Variants in COA5 observed in about 807,000 individuals in gnomAD.
COA5 encodes cytochrome c oxidase assembly factor 5, also known as protein C2orf64.
A neutral mutation model predicts 11.8 loss-of-function variants in COA5; 11 were observed. The ratio of observed to expected loss-of-function variants is 0.93; its 90% CI spans 0.59 to 1.54. COA5 has a LOEUF of 1.54. Among genes scored for constraint, COA5 ranks in the 40% most tolerant of loss-of-function variants. COA5 has a pLI of 0.00. For synonymous variants in COA5, 38 were observed against 37.5 expected, an observed-to-expected ratio of 1.01 and a Z score of -0.05; for missense variants, 87 against 89.2, an observed-to-expected ratio of 0.97 and a Z score of 0.10.
At position 98,600,030 on chromosome 2, in the gene COA5, A is replaced by G. The variant is rs1700619282; in HGVS notation, c.*722T>C. On this transcript the variant is annotated 3_prime_UTR_variant, in exon 3 of 3. Coordinates refer to ENST00000328709, the MANE Select transcript of COA5 (RefSeq NM_001008215.3). ...TATAGATTTGATTTGTGGACCCTGA[A>G]AAAGGAAGTTCTCTCTCTCCCTTTT... The G allele has an allele frequency of 6.6e-6, 1 of 152,358 alleles. No homozygotes were observed. The highest frequency in any genetic ancestry group is 1.5e-5 in the Non-Finnish European group (1 of 68,152). 9.4% of individuals were successfully genotyped at this position (152,358 alleles called of 1,614,324 possible). A position where few individuals can be genotyped will look rare whatever the true frequency, so the allele number is the denominator to read the frequency against.
intron 2 of COA5, among the ~76,000 whole-genome samples, chr2:98,602,154 T>C (rs755362733): frequency 6.6e-6 from 1 of 152,186 alleles, no homozygotes; most frequent in Non-Finnish European, 1.5e-5. Flanking sequence ...GCTCATACTA[T>C]GAGAGAACAG....
chr2:98,606,077 T>C (rs1423067154), intron 1 of COA5, among the ~76,000 whole-genome samples: 1 of 152,078 alleles, frequency 6.6e-6, no homozygotes, highest in East Asian at 1.9e-4. Context: ...TAGAGCGAGG[T>C]GCTGCAGGTT....
Position 98,608,501 on chromosome 2 carries a change from G to T in COA5, c.-96C>A. Reference sequence around the variant, plus strand: ...GCGAGGCCCCAGTCTCAGGGGACCGGAAGCCAGCGGCAACAACTTCCGGCG... The same window carrying T: ...GCGAGGCCCCAGTCTCAGGGGACCGTAAGCCAGCGGCAACAACTTCCGGCG... On this transcript the variant is annotated 5_prime_UTR_variant, in exon 1 of 3. Transcript: ENST00000328709. 1.0e-6 allele frequency: 1 copy of T among 977,430 alleles called. No individual in the cohort carries two copies. Among genetic ancestry groups the T allele is most frequent in the Non-Finnish European group, 1.6e-6 (1 of 635,656 alleles). The allele number at this position is 977,430 out of a possible 1,614,324, so 60.5% of individuals were successfully genotyped here. A position where few individuals can be genotyped will look rare whatever the true frequency, so the allele number is the denominator to read the frequency against.
chr2:98,605,625 T>G (rs967663574), intron 1 of COA5: 7 of 152,190 alleles, frequency 4.6e-5, no homozygotes, highest in African/African-American at 1.4e-4. Flanking sequence ...CTCCCAAGCT[T>G]TTTTGCCTTC....
Position 98,600,597 on chromosome 2 carries a change from A to G in COA5, c.*155T>C. On this transcript the variant is annotated 3_prime_UTR_variant, in exon 3 of 3. Transcript: ENST00000328709. ...GAATCATTTACTTTATACATATTCG[A>G]AAACAACTCATCCACTTTCTTCAGT... 1.5e-6 allele frequency: 1 copy of G among 683,766 alleles called. No individual in the cohort carries two copies. Among genetic ancestry groups the G allele is most frequent in the Non-Finnish European group, 2.6e-6 (1 of 381,366 alleles). 42.4% of individuals were successfully genotyped at this position (683,766 alleles called of 1,614,324 possible).
chr2:98,601,208 G>A (rs1292583105), intron 2 of COA5, among the ~76,000 whole-genome samples: 1 of 151,816 alleles, frequency 6.6e-6, no homozygotes, highest in African/African-American at 2.4e-5. Flanking sequence ...TCGCACCACT[G>A]CACTCCAGCC....
Position 98,600,745 on chromosome 2 carries a change from T to C in COA5, c.*7A>G. 6.2e-7 allele frequency: 1 copy of C among 1,609,630 alleles called. No homozygotes were observed. The highest frequency in any genetic ancestry group is 8.5e-7 in the Non-Finnish European group (1 of 1,176,658). Reference sequence around the variant, plus strand: ...GTTGTTTTCCATGTTGGCTTCAACATAATGCATCAATATCCTTTTCTTCCT... The same window carrying C: ...GTTGTTTTCCATGTTGGCTTCAACACAATGCATCAATATCCTTTTCTTCCT... On this transcript the variant is annotated 3_prime_UTR_variant, in exon 3 of 3. Coordinates refer to ENST00000328709, the MANE Select transcript of COA5 (RefSeq NM_001008215.3).
chr2:98,604,312 G>T, intron 1 of COA5, 121 bp from the exon 2 acceptor site: 1 of 780,888 alleles, frequency 1.3e-6, no homozygotes, highest in Non-Finnish European at 2.2e-6. Context: ...AGAAAGTTAT[G>T]TAGGAAATAG....
chr2:98,607,785 T>A (rs1052262013), intron 1 of COA5, among the ~76,000 whole-genome samples: 1 of 151,816 alleles, frequency 6.6e-6, no homozygotes, highest in Non-Finnish European at 1.5e-5. Context: ...ATCGTGAAAA[T>A]ATGGAGTTGC....
chr2:98,608,226 G>T, intron 1 of COA5, 81 bp downstream of exon 1: 2 of 1,078,510 alleles, frequency 1.9e-6, no homozygotes, highest in Non-Finnish European at 2.8e-6. Context: ...AACCGCCGCC[G>T]CGGGCGACCC....
At position 98,600,772 on chromosome 2, in the gene COA5, T is replaced by C; in HGVS notation, c.205A>G (p.Arg69Gly). The C allele has an allele frequency of 6.2e-7, 1 of 1,607,728 alleles. No individual in the cohort carries two copies. Among genetic ancestry groups the C allele is most frequent in the African/African-American group, 1.3e-5 (1 of 74,922 alleles). ...ATGCATCAATATCCTTTTCTTCCTC[T>C]GAATCTTGCCCTGTTATCCAACTGA... ...RSVLDNRARF[R>G]GRKGY is the part of the protein sequence containing the mutation. The change falls in exon 3 of 3, where the codon AGA becomes GGA. Residue 69 changes from arginine to glycine, a missense_variant. Transcript: ENST00000328709.
chr2:98,605,011 T>G (rs1700689192), intron 1 of COA5, among the ~76,000 whole-genome samples: 1 of 152,264 alleles, frequency 6.6e-6, no homozygotes, highest in South Asian at 2.1e-4. Flanking sequence ...TAAAAGGTTA[T>G]AACTATAGTT....
In COA5 at chr2:98,608,441, T is replaced by A. The variant is rs1203933886; in HGVS notation, c.-36A>T. 4.0e-6 allele frequency: 6 copies of A among 1,487,554 alleles called. No homozygotes were observed. The highest frequency in any genetic ancestry group is 3.5e-5 in the South Asian group (3 of 84,528). 92.1% of individuals were successfully genotyped at this position (1,487,554 alleles called of 1,614,324 possible). A position where few individuals can be genotyped will look rare whatever the true frequency, so the allele number is the denominator to read the frequency against. Reference sequence around the variant, plus strand: ...CCCCTCCGATGCGGACGCGACTTTCTCCCACCGCAACACTTGCAACCGGGT... The same window carrying A: ...CCCCTCCGATGCGGACGCGACTTTCACCCACCGCAACACTTGCAACCGGGT... On this transcript the variant is annotated 5_prime_UTR_variant, in exon 1 of 3. Coordinates refer to ENST00000328709, the MANE Select transcript of COA5 (RefSeq NM_001008215.3).
intron 1 of COA5, among the ~76,000 whole-genome samples, chr2:98,607,806 CAACTT>C (rs1164608767): frequency 6.6e-6 from 1 of 152,110 alleles, no homozygotes; most frequent in Non-Finnish European, 1.5e-5. Flanking sequence ...CTTATTTTTA[CAACTT>C]AACATCCAAG....
chr2:98,605,832 A>G (rs1700699585), intron 1 of COA5: 1 of 152,234 alleles, frequency 6.6e-6, no homozygotes, highest in African/African-American at 2.4e-5. Flanking sequence ...ATACCCTATG[A>G]TGAGTGAAGT....
chr2:98,607,737 G>C (rs1700728907), intron 1 of COA5, among the ~76,000 whole-genome samples: 2 of 152,186 alleles, frequency 1.3e-5, no homozygotes, highest in South Asian at 4.1e-4. Flanking sequence ...TCTGTAGCCG[G>C]GGAGTGAAGG....
At chr2:98,602,667 G>C (rs1700657209) in intron 2 of COA5, 1 of 153,196 alleles carries the variant, frequency 6.5e-6, no homozygotes, top group Non-Finnish European at 1.5e-5. Context: ...AAAAAAAAAG[G>C]GTCCCTAAGG....
At chr2:98,604,457 T>C in intron 1 of COA5, 1 of 410,538 alleles carries the variant, frequency 2.4e-6, no homozygotes, top group East Asian at 4.9e-5. Context: ...ACTGTTTATA[T>C]AAAAATCTAG....
Position 98,600,740 on chromosome 2 carries a change from C to T in COA5, c.*12G>A. On this transcript the variant is annotated 3_prime_UTR_variant, in exon 3 of 3. Transcript: ENST00000328709. Reference sequence around the variant, plus strand: ...TATTTGTTGTTTTCCATGTTGGCTTCAACATAATGCATCAATATCCTTTTC... The same window carrying T: ...TATTTGTTGTTTTCCATGTTGGCTTTAACATAATGCATCAATATCCTTTTC... 6.2e-7 allele frequency: 1 copy of T among 1,608,692 alleles called. No individual in the cohort carries two copies. The highest frequency in any genetic ancestry group is 1.1e-5 in the South Asian group (1 of 90,674).
Sources: gnomAD v4.1 joint callset for allele counts (sites outside exome capture counted in the v4.1 genomes callset) on GRCh38, gnomAD v4.1.1 for gene constraint, MANE v1.5 for transcripts, NCBI Gene and HGNC (gene_info 2026-07-23, HGNC 2026-07-21) for gene names.